SYT3: variants seen among roughly 807,000 people sequenced by gnomAD.
The protein encoded by SYT3 is synaptotagmin-3.
SYT3 carries 25 observed loss-of-function variants against 50.6 expected under a neutral mutation model. The observed-to-expected ratio is 0.49, with a 90% CI of 0.36 to 0.69. The LOEUF (loss-of-function observed/expected upper bound fraction) is 0.69, where lower values mean the gene tolerates loss of function less well. SYT3 is among the 30% of genes least tolerant of loss of function. SYT3 has a pLI of 0.00. For synonymous variants in SYT3, 323 were observed against 353.9 expected (o/e 0.91, Z 0.98); for missense variants, 589 against 793.6 (o/e 0.74, Z 3.10).
chr19:50,656,539 G>A, the SYT3 span, among the ~76,000 whole-genome samples: 1 of 152,162 alleles, frequency 6.6e-6, no homozygotes, highest in Non-Finnish European at 1.5e-5. Flanking sequence ...TACTGCTCAT[G>A]TCAGAGGGGA....
rs938299793 is a variant in SYT3, at chr19:50,632,489, A to G, written c.471T>C (p.Pro157=). ...AGTCCATGTCCAAGTAGGAGGGCTCAGGGGTGTCAGAACCCCCCAGGCTGC... is the reference window on the plus strand; with the variant it reads ...AGTCCATGTCCAAGTAGGAGGGCTCGGGGGTGTCAGAACCCCCCAGGCTGC... ...EPGSLGGSDT[P]EPSYLDMDSY... is the part of the protein sequence containing the mutation. The change falls in exon 4 of 11, where the codon CCT becomes CCC. Residue 157 remains proline, a synonymous_variant. Coordinates refer to ENST00000600079, the MANE Select transcript of SYT3 (RefSeq NM_001160329.2). This position sits in a 1 kb window ranked among gnomAD's most constrained non-coding sequence, Gnocchi z 4.7. 7 of 1,612,698 alleles carry G rather than the reference A, an allele frequency of 4.3e-6. No individual in the cohort carries two copies. The Admixed American group carries it at 1.2e-4, about 27-fold the overall frequency.
At chr19:50,629,161 A>T in intron 6 of SYT3, 133 bp downstream of exon 6, 1 of 734,876 alleles carries the variant, frequency 1.4e-6, no homozygotes, top group Non-Finnish European at 2.2e-6. Context: ...AGTCTTCCCC[A>T]GTGTGATACA....
At position 50,625,413 on chromosome 19, in the gene SYT3, G is replaced by A. The variant is rs767213141; in HGVS notation, c.1554C>T (p.Ile518=). 1.1e-5 allele frequency: 17 copies of A among 1,555,814 alleles called. No homozygotes were observed. The Admixed American group carries it at 1.8e-4, about 16-fold the overall frequency. Residue 518 remains isoleucine (I), a synonymous_variant, in exon 8 of 11, where the codon ATC becomes ATT. Coordinates refer to ENST00000600079, the MANE Select transcript of SYT3 (RefSeq NM_001160329.2). This position sits in a 1 kb window ranked among gnomAD's most constrained non-coding sequence, Gnocchi z 7.5. ...CTCACCAGTCGTAGTCTACCACGGC[G>A]ATGCTGAGCCCCACGTTCTCCACGC... is the stretch of plus-strand genomic sequence containing the variant. ...PESVENVGLS[I]AVVDYDCIGH...
the SYT3 span, chr19:50,656,364 C>T: frequency 1.6e-5 from 24 of 1,527,318 alleles, no homozygotes; most frequent in African/African-American, 1.4e-4. Context: ...GACCTGTGCC[C>T]TTATTTTCTG....
upstream of SYT3, among the ~76,000 whole-genome samples, chr19:50,644,543 A>G (rs1984732060): frequency 6.6e-6 from 1 of 151,262 alleles, no homozygotes; most frequent in Non-Finnish European, 1.5e-5. Context: ...TGAGTGGATG[A>G]GTGGATGAGT....
the SYT3 span, among the ~76,000 whole-genome samples, chr19:50,649,145 G>A: frequency 6.7e-6 from 1 of 148,336 alleles, no homozygotes; most frequent in Non-Finnish European, 1.5e-5. Flanking sequence ...GAGATGGGGA[G>A]AGAATGAGGA....
At chr19:50,656,308 C>T in the SYT3 span, 3 of 1,536,220 alleles carry the variant, frequency 2.0e-6, no homozygotes, top group Non-Finnish European at 1.7e-6. Context: ...CCCCACACCA[C>T]CAGCTTCCCA....
chr19:50,640,604 T>A (rs1213012729), upstream of SYT3, among the ~76,000 whole-genome samples: 2 of 152,208 alleles, frequency 1.3e-5, no homozygotes, highest in Non-Finnish European at 2.9e-5. Flanking sequence ...CTGAGGCCCA[T>A]GGAGGTTAAA....
the SYT3 span, among the ~76,000 whole-genome samples, chr19:50,652,839 G>T: frequency 2.6e-5 from 4 of 152,114 alleles, no homozygotes; most frequent in Non-Finnish European, 5.9e-5. Flanking sequence ...AGAGTGAGGT[G>T]AGAGGAAGGC....
At chr19:50,651,150 T>C in the SYT3 span, among the ~76,000 whole-genome samples, 1 of 152,230 alleles carries the variant, frequency 6.6e-6, no homozygotes, top group Admixed American at 6.5e-5. Context: ...GTTCTCATGC[T>C]GGGAGAGGAG....
intron 9 of SYT3, among the ~76,000 whole-genome samples, chr19:50,622,961 C>T (rs374436796): frequency 1.2e-4 from 17 of 140,066 alleles, no homozygotes; most frequent in African/African-American, 1.9e-4. Flanking sequence ...TCTGCAAATG[C>T]GAGGAGAGAT....
the SYT3 span, among the ~76,000 whole-genome samples, chr19:50,647,114 G>A: frequency 1.3e-5 from 2 of 152,066 alleles, no homozygotes; most frequent in Non-Finnish European, 2.9e-5. Flanking sequence ...ACAGGTGTGA[G>A]CCACCGCGCC....
At chr19:50,648,300 G>A in the SYT3 span, among the ~76,000 whole-genome samples, 1 of 152,214 alleles carries the variant, frequency 6.6e-6, no homozygotes, top group Admixed American at 6.5e-5. Context: ...TCTTAAGCTC[G>A]CCACTGAACA....
rs752714077 is a variant in SYT3, at chr19:50,632,429, A to G, written c.531T>C (p.Ala177=). The stretch of plus-strand genomic sequence containing the variant: ...GGGATGTTTGGCTCGGTTTGACCCC[A>G]GCGGCCACTGCTGCTGCTGCAGCCT... ...YPEAAAAAVA[A]GVKPSQTSPE... The change falls in exon 4 of 11, where the codon GCT becomes GCC. Residue 177 remains alanine, a synonymous_variant. Transcript: ENST00000600079. This position sits in a 1 kb window ranked among gnomAD's most constrained non-coding sequence, Gnocchi z 4.7. 3 of 1,613,500 alleles carry G rather than the reference A, an allele frequency of 1.9e-6. No individual in the cohort carries two copies. Among genetic ancestry groups the G allele is most frequent in the Middle Eastern group, 1.6e-4 (1 of 6,062 alleles).
chr19:50,649,338 A>T, the SYT3 span: 1 of 1,096,494 alleles, frequency 9.1e-7, no homozygotes, highest in Non-Finnish European at 1.3e-6. Context: ...CGGGGCTTCA[A>T]AGAGGAGGTA....
At chr19:50,628,153 G>A (rs985034659) in intron 6 of SYT3, among the ~76,000 whole-genome samples, 1 of 152,298 alleles carries the variant, frequency 6.6e-6, no homozygotes, top group East Asian at 1.9e-4. Context: ...TATGAAGGCC[G>A]CCCTCCCCAC....
intron 6 of SYT3, among the ~76,000 whole-genome samples, chr19:50,626,728 CAG>C (rs968647910): frequency 1.2e-4 from 17 of 140,728 alleles, no homozygotes; most frequent in African/African-American, 4.3e-4. Context: ...AGCCCAGAGA[CAG>C]GGGGTACAGA....
At chr19:50,623,103 T>A (rs1983909116) in intron 9 of SYT3, among the ~76,000 whole-genome samples, 1 of 149,696 alleles carries the variant, frequency 6.7e-6, no homozygotes, top group Non-Finnish European at 1.5e-5. Context: ...TGTAGAAGGA[T>A]CTTCTGGGGC....
the SYT3 span, among the ~76,000 whole-genome samples, chr19:50,645,596 A>G: frequency 2.0e-5 from 3 of 152,202 alleles, no homozygotes; most frequent in African/African-American, 7.2e-5. Flanking sequence ...CCTGTGATAC[A>G]GGAATTCAAA....
Sources: gnomAD v4.1 joint callset for allele counts (sites outside exome capture counted in the v4.1 genomes callset) on GRCh38, gnomAD v4.1.1 for gene constraint, Gnocchi (gnomAD v3.1) non-coding constraint, MANE v1.5 for transcripts, NCBI Gene and HGNC (gene_info 2026-07-23, HGNC 2026-07-21) for gene names.